The following ATP8B4 variants were observed in gnomAD, a reference collection of about 807,000 sequenced individuals.
ATP8B4 encodes probable phospholipid-transporting ATPase IM.
ATP8B4 carries 133 observed loss-of-function variants against 145.6 expected under a neutral mutation model. That is an observed-to-expected ratio of 0.91 (90% CI 0.79 to 1.05). The LOEUF is 1.05. Among genes scored for constraint, ATP8B4 ranks in the 50% least tolerant of loss-of-function variants. The pLI, the probability that ATP8B4 is intolerant of heterozygous loss-of-function variation, is 0.00. For missense variants in ATP8B4, 1,458 were observed against 1,425.2 expected (o/e 1.02, Z -0.37); for synonymous variants, 507 against 492.9 (o/e 1.03, Z -0.38).
chr15:50,138,254 G>T (rs772340063), intron 1 of ATP8B4, among the ~76,000 whole-genome samples: 1 of 152,032 alleles, frequency 6.6e-6, no homozygotes, highest in Non-Finnish European at 1.5e-5. Flanking sequence ...TGTGTCAAAG[G>T]TGTGTGTACA....
intron 14 of ATP8B4, among the ~76,000 whole-genome samples, chr15:49,945,566 A>C (rs1047423924): frequency 6.6e-6 from 1 of 152,186 alleles, no homozygotes; most frequent in Non-Finnish European, 1.5e-5. Flanking sequence ...AGAAAAGTAT[A>C]TATAAGCTGA....
intron 14 of ATP8B4, among the ~76,000 whole-genome samples, chr15:49,944,443 A>T (rs2042403833): frequency 6.6e-6 from 1 of 152,172 alleles, no homozygotes; most frequent in Non-Finnish European, 1.5e-5. Flanking sequence ...GACACAGCAG[A>T]CTTTAAGTCA....
At chr15:50,154,218 C>A (rs2044384584) in intron 1 of ATP8B4, among the ~76,000 whole-genome samples, 1 of 152,136 alleles carries the variant, frequency 6.6e-6, no homozygotes, top group Admixed American at 6.5e-5. Flanking sequence ...AAATTTATCA[C>A]ACAGGATTCT....
intron 6 of ATP8B4, among the ~76,000 whole-genome samples, chr15:50,030,362 CCTG>C (rs1332949399): frequency 6.6e-6 from 1 of 151,954 alleles, no homozygotes; most frequent in African/African-American, 2.4e-5. Context: ...TACAAAAGAC[CCTG>C]CTATTCTGGT....
intron 7 of ATP8B4, chr15:50,009,810 C>T: frequency 2.7e-6 from 1 of 367,170 alleles, no homozygotes; most frequent in Non-Finnish European, 5.3e-6. Context: ...TCTGTTTTGG[C>T]TGCCGACACC....
chr15:49,996,818 C>A, intron 8 of ATP8B4, 59 bp from the exon 9 acceptor site: 1 of 1,379,966 alleles, frequency 7.2e-7, no homozygotes, highest in Non-Finnish European at 1.0e-6. Flanking sequence ...AGCATCCTAC[C>A]AAAGCAATCA....
intron 6 of ATP8B4, among the ~76,000 whole-genome samples, chr15:50,020,322 T>G (rs1415917766): frequency 5.4e-5 from 8 of 149,014 alleles, no homozygotes; most frequent in African/African-American, 1.7e-4. Context: ...CAGGATGGAG[T>G]GCAATGGCAC....
chr15:49,862,446 GT>G (rs1485969868), intron 26 of ATP8B4, 71 bp from the exon 27 acceptor site: 1 of 1,492,286 alleles, frequency 6.7e-7, no homozygotes, highest in African/African-American at 1.4e-5. Flanking sequence ...TAGGTTCTTT[GT>G]TCCTACAAGA....
Position 49,859,981 on chromosome 15 carries a change from C to A in ATP8B4, c.*213G>T. ...TTGTAACAGCGAGTGTTTTGTCCAC[C>A]AAATCACAAACCAGACAGTGACCCT... On this transcript the variant is annotated 3_prime_UTR_variant, in exon 28 of 28. Transcript: ENST00000284509. The A allele has an allele frequency of 1.9e-6, 1 of 517,804 alleles. No homozygotes were observed. Among genetic ancestry groups the A allele is most frequent in the Admixed American group, 3.8e-5 (1 of 26,376 alleles). 32.1% of individuals were successfully genotyped at this position (517,804 alleles called of 1,614,324 possible).
At chr15:50,084,853 A>G (rs1317589711) in intron 2 of ATP8B4, among the ~76,000 whole-genome samples, 1 of 152,048 alleles carries the variant, frequency 6.6e-6, no homozygotes, top group Non-Finnish European at 1.5e-5. Flanking sequence ...CCTCCCTCTG[A>G]TAAGGATCCC....
At chr15:49,961,271 C>T (rs917063523) in intron 14 of ATP8B4, among the ~76,000 whole-genome samples, 1 of 152,168 alleles carries the variant, frequency 6.6e-6, no homozygotes, top group African/African-American at 2.4e-5. Context: ...CATATAATCT[C>T]ATCAAAGATC....
chr15:50,046,449 G>A (rs191679278), intron 4 of ATP8B4, among the ~76,000 whole-genome samples: 9 of 152,288 alleles, frequency 5.9e-5, no homozygotes, highest in African/African-American at 1.7e-4. Context: ...GCCACATCCT[G>A]ATGAAATTGT....
upstream of ATP8B4, among the ~76,000 whole-genome samples, chr15:50,121,201 G>A (rs188602789): frequency 2.4e-3 from 370 of 152,246 alleles, 1 homozygote; most frequent in South Asian, 0.034. Flanking sequence ...GTTTACTGTT[G>A]AACTCCTGGT....
In ATP8B4 at chr15:49,860,426, C is replaced by T. The variant is rs540983729; in HGVS notation, c.3347G>A (p.Arg1116Gln). Residue 1116 changes from arginine (R) to glutamine (Q), a missense_variant, in exon 28 of 28, where the codon CGA (arginine) becomes CAA (glutamine). Arg to Gln is a conservative substitution (Grantham distance 43). Coordinates refer to ENST00000284509, the MANE Select transcript of ATP8B4 (RefSeq NM_024837.4). The stretch of plus-strand genomic sequence containing the variant: ...GCTTGACCTGCGGGTCCGAGGCCTT[C>T]GGCTACTTGGAGGCCTTGCCTTCTT... ...AQKKARPPSS[R>Q]RPRTRRSSSR... 53 of 1,613,886 alleles carry T rather than the reference C, an allele frequency of 3.3e-5. No homozygotes were observed. Among genetic ancestry groups the T allele is most frequent in the African/African-American group, 3.1e-4 (23 of 75,010 alleles).
intron 1 of ATP8B4, among the ~76,000 whole-genome samples, chr15:50,153,330 A>G (rs1364233324): frequency 2.0e-5 from 3 of 146,724 alleles, no homozygotes; most frequent in African/African-American, 7.5e-5. Flanking sequence ...CCAGGCAAAC[A>G]AAAAGATACA....
intron 1 of ATP8B4, among the ~76,000 whole-genome samples, chr15:50,140,714 T>G (rs547330033): frequency 2.6e-5 from 4 of 152,358 alleles, no homozygotes; most frequent in Non-Finnish European, 5.9e-5. Context: ...ATATGATTTT[T>G]ACTATATGTT....
At chr15:50,081,086 C>A (rs973955893) in intron 2 of ATP8B4, among the ~76,000 whole-genome samples, 99 of 147,734 alleles carry the variant, frequency 6.7e-4, no homozygotes. Context: ...GCACTCCAGC[C>A]TGGGGGACAG....
intron 3 of ATP8B4, among the ~76,000 whole-genome samples, chr15:50,059,846 C>A (rs1477793841): frequency 6.6e-6 from 1 of 152,156 alleles, no homozygotes. Flanking sequence ...GGGGTGCTAT[C>A]AATGAGACAA....
chr15:49,907,793 C>G (rs2038784235), intron 20 of ATP8B4, among the ~76,000 whole-genome samples: 1 of 152,242 alleles, frequency 6.6e-6, no homozygotes, highest in Non-Finnish European at 1.5e-5. Flanking sequence ...AGCCCATACT[C>G]TTTCTCCTAC....
Sources: gnomAD v4.1 joint callset for allele counts (sites outside exome capture counted in the v4.1 genomes callset) on GRCh38, gnomAD v4.1.1 for gene constraint, MANE v1.5 for transcripts, NCBI Gene and HGNC (gene_info 2026-07-23, HGNC 2026-07-21) for gene names.